Variants in RAB3IP observed in about 807,000 individuals in gnomAD.
RAB3IP encodes the protein rab-3A-interacting protein.
Under a neutral mutation model 59.1 loss-of-function variants are expected in RAB3IP, and 36 were observed. The ratio of observed to expected loss-of-function variants is 0.61; its 90% CI spans 0.47 to 0.80. The LOEUF (loss-of-function observed/expected upper bound fraction) is 0.80, where lower values mean the gene tolerates loss of function less well. Ranked by LOEUF, RAB3IP falls within the 30% of genes least tolerant of loss-of-function variation. RAB3IP has a pLI of 0.00. For synonymous variants in RAB3IP, 207 were observed against 191.2 expected, an observed-to-expected ratio of 1.08 and a Z score of -0.68; for missense variants, 511 against 536.0, an observed-to-expected ratio of 0.95 and a Z score of 0.46.
At chr12:69,765,587 G>A (rs1184328802) in intron 3 of RAB3IP, among the ~76,000 whole-genome samples, 2 of 152,152 alleles carry the variant, frequency 1.3e-5, no homozygotes, top group African/African-American at 2.4e-5. Flanking sequence ...AGGGATATTG[G>A]CCTGTGTACT....
rs955718406 is a variant in RAB3IP at position 69,818,562 on chromosome 12, A to G, written c.*3116A>G. On this transcript the variant is annotated 3_prime_UTR_variant, in exon 11 of 11. Transcript: ENST00000247833. ...CACATATAAGAATGTTCTGGAATAA[A>G]TTAAAATGTCTATTTTTAGGAAGGT... is the stretch of plus-strand genomic sequence containing the variant. 6.6e-6 allele frequency: 1 copy of G among 152,220 alleles called. No individual in the cohort carries two copies. The highest frequency in any genetic ancestry group is 2.4e-5 in the African/African-American group (1 of 41,464). 9.4% of individuals were successfully genotyped at this position (152,220 alleles called of 1,614,324 possible). A position where few individuals can be genotyped will look rare whatever the true frequency, so the allele number is the denominator to read the frequency against.
At chr12:69,794,048 T>C (rs1461708276) in intron 4 of RAB3IP, among the ~76,000 whole-genome samples, 2 of 152,200 alleles carry the variant, frequency 1.3e-5, no homozygotes, top group African/African-American at 2.4e-5. Context: ...TTAATGTTTT[T>C]ACTTGTCCCT....
intron 3 of RAB3IP, among the ~76,000 whole-genome samples, chr12:69,783,794 A>G (rs1485960917): frequency 6.6e-6 from 1 of 152,112 alleles, no homozygotes; most frequent in Admixed American, 6.5e-5. Flanking sequence ...GCTTTTGTAC[A>G]TCTGGTGATC....
intron 8 of RAB3IP, among the ~76,000 whole-genome samples, chr12:69,811,204 A>G (rs997893006): frequency 6.6e-6 from 1 of 152,146 alleles, no homozygotes; most frequent in African/African-American, 2.4e-5. Flanking sequence ...GACACATAGA[A>G]GGGAACAACA....
Position 69,794,531 on chromosome 12 carries a change from C to G in RAB3IP, c.684+17C>G. ...CAAGGAAAAGTGAGTTTTTGCAGCT[C>G]TTAATAGTATAAAATAAATTTGTGA... On this transcript the variant is annotated intron_variant, in intron 5 of 10. Transcript: ENST00000247833. 6.3e-7 allele frequency: 1 copy of G among 1,584,404 alleles called. No individual in the cohort carries two copies. Among genetic ancestry groups the G allele is most frequent in the Non-Finnish European group, 8.6e-7 (1 of 1,157,856 alleles).
chr12:69,784,788 G>A lies in RAB3IP; in HGVS notation c.579G>A (p.Leu193=). The A allele has an allele frequency of 2.5e-6, 4 of 1,609,930 alleles. No homozygotes were observed. The highest frequency in any genetic ancestry group is 3.4e-6 in the Non-Finnish European group (4 of 1,177,308). The change falls in exon 4 of 11, where the codon TTG becomes TTA. Residue 193 remains leucine (L), a synonymous_variant. Transcript: ENST00000247833. ...SKVRDQLGQE[L]EELTASLFEE... is the part of the protein sequence containing the mutation. Reference sequence around the variant, plus strand: ...TGCGAGATCAACTTGGACAGGAATTGGAAGAACTCACAGCTAGTCTATTTG... The same window carrying A: ...TGCGAGATCAACTTGGACAGGAATTAGAAGAACTCACAGCTAGTCTATTTG...
intron 3 of RAB3IP, among the ~76,000 whole-genome samples, chr12:69,770,672 C>A (rs1166970146): frequency 2.2e-4 from 33 of 151,914 alleles, no homozygotes; most frequent in Non-Finnish European, 2.9e-5. Flanking sequence ...TTTAACCTAG[C>A]CATAATGTCC....
chr12:69,812,565 T>C (rs1880600364), intron 8 of RAB3IP: 2 of 471,218 alleles, frequency 4.2e-6, no homozygotes, highest in African/African-American at 2.0e-5. Flanking sequence ...GTTAATGTTA[T>C]GGCATTAAAC....
Position 69,781,014 on chromosome 12 carries a change from A to G in RAB3IP, c.511-3706A>G, listed in dbSNP as rs200103803. Among the ~76,000 whole-genome samples, 11 of 152,278 alleles carry G rather than the reference A, an allele frequency of 7.2e-5. No individual in the cohort carries two copies. The East Asian group carries it at 2.1e-3, about 29-fold the overall frequency. ...TGCCAATCACTGTGTTCATAAATGTACTTGGGTTTATCCCAGTTGATTTGA... is the reference window on the plus strand; with the variant it reads ...TGCCAATCACTGTGTTCATAAATGTGCTTGGGTTTATCCCAGTTGATTTGA... On this transcript the variant is annotated intron_variant, in intron 3 of 10. Coordinates refer to ENST00000247833, the MANE Select transcript of RAB3IP (RefSeq NM_022456.5).
At chr12:69,800,106 G>T (rs1878144574) in intron 6 of RAB3IP, 103 bp from the exon 7 acceptor site, 2 of 851,390 alleles carry the variant, frequency 2.3e-6, no homozygotes, top group Admixed American at 3.7e-5. Context: ...TTTAAATGAA[G>T]AGCTTTTTTT....
chr12:69,749,774 G>A (rs928502750), intron 1 of RAB3IP, among the ~76,000 whole-genome samples: 2 of 152,084 alleles, frequency 1.3e-5, no homozygotes, highest in Non-Finnish European at 2.9e-5. Context: ...TTCCCGTGTG[G>A]TCTCTGAGTT....
chr12:69,783,417 T>C (rs1028708589), intron 3 of RAB3IP, among the ~76,000 whole-genome samples: 2 of 152,252 alleles, frequency 1.3e-5, no homozygotes, highest in African/African-American at 4.8e-5. Flanking sequence ...TCCCTCTTTA[T>C]ATCTTATCCT....
chr12:69,746,615 A>G (rs1868366832), intron 1 of RAB3IP, among the ~76,000 whole-genome samples: 1 of 152,204 alleles, frequency 6.6e-6, no homozygotes, highest in African/African-American at 2.4e-5. Flanking sequence ...TGAAGCTGGC[A>G]ATCATCCTTC....
intron 1 of RAB3IP, 144 bp from the exon 2 acceptor site, chr12:69,755,240 T>C: frequency 1.4e-6 from 1 of 699,678 alleles, no homozygotes; most frequent in Non-Finnish European, 2.3e-6. Flanking sequence ...CACCATGTGA[T>C]TGTGGTTTTT....
intron 3 of RAB3IP, among the ~76,000 whole-genome samples, chr12:69,757,142 G>T (rs1173235322): frequency 6.6e-6 from 1 of 152,102 alleles, no homozygotes; most frequent in Admixed American, 6.6e-5. Context: ...AAAAGTTTCT[G>T]CTATTTATTT....
intron 5 of RAB3IP, 38 bp from the exon 6 acceptor site, chr12:69,795,103 G>C: frequency 6.8e-7 from 1 of 1,468,394 alleles, no homozygotes; most frequent in South Asian, 1.2e-5. Flanking sequence ...GTCATGAAAC[G>C]TATTTAATGT....
At chr12:69,785,686 A>G (rs889381280) in intron 4 of RAB3IP, among the ~76,000 whole-genome samples, 1 of 152,238 alleles carries the variant, frequency 6.6e-6, no homozygotes, top group Non-Finnish European at 1.5e-5. Flanking sequence ...AGGGCAGTCT[A>G]CTTTACTCAG....
chr12:69,812,737 C>T, intron 8 of RAB3IP, 41 bp from the exon 9 acceptor site: 10 of 1,387,020 alleles, frequency 7.2e-6, no homozygotes, highest in South Asian at 1.3e-5. Context: ...GGGGCAAATG[C>T]TTTTCATTTC....
intron 3 of RAB3IP, 39 bp from the exon 4 acceptor site, chr12:69,784,681 A>G (rs367709084): frequency 2.7e-4 from 336 of 1,229,940 alleles, no homozygotes; most frequent in Non-Finnish European, 3.7e-4. Context: ...CTAACTTCAA[A>G]CTATGGAGAT....
Sources: allele counts gnomAD v4.1 joint callset (sites outside exome capture counted in the v4.1 genomes callset), GRCh38; gene constraint gnomAD v4.1.1; transcripts MANE v1.5; gene names NCBI Gene and HGNC (gene_info 2026-07-23, HGNC 2026-07-21).